NRXN3: variants seen among roughly 807,000 people sequenced by gnomAD.
NRXN3 encodes neurexin 3.
A neutral mutation model predicts 137.6 loss-of-function variants in NRXN3; 32 were observed. The ratio of observed to expected loss-of-function variants is 0.23; its 90% CI spans 0.18 to 0.31. The LOEUF (loss-of-function observed/expected upper bound fraction) is 0.31. NRXN3 is among the 10% of genes least tolerant of loss of function. NRXN3 has a pLI of 1.00. For missense variants in NRXN3, 1,574 were observed against 2,062.5 expected (o/e 0.76, Z 4.59); for synonymous variants, 798 against 784.5 (o/e 1.02, Z -0.29).
At chr14:79,294,749 C>T (rs2153464632) in intron 15 of NRXN3, among the ~76,000 whole-genome samples, 2 of 152,242 alleles carry the variant, frequency 1.3e-5, no homozygotes, top group South Asian at 4.2e-4. Context: ...GGAATTCATA[C>T]TTTATTATTG....
At chr14:79,580,188 TTGA>T (rs1375065483) in intron 16 of NRXN3, among the ~76,000 whole-genome samples, 6 of 152,178 alleles carry the variant, frequency 3.9e-5, no homozygotes, top group Non-Finnish European at 7.3e-5. Context: ...CTTGCATCTA[TTGA>T]TGGACATTTA....
intron 15 of NRXN3, among the ~76,000 whole-genome samples, chr14:79,009,504 G>A (rs1051568605): frequency 1.3e-5 from 2 of 152,174 alleles, no homozygotes; most frequent in African/African-American, 2.4e-5. Context: ...TTGGGCAGAA[G>A]AGAGCCCTCC....
chr14:79,460,340 TG>T (rs2096315028), intron 15 of NRXN3, among the ~76,000 whole-genome samples: 1 of 152,194 alleles, frequency 6.6e-6, no homozygotes, highest in Non-Finnish European at 1.5e-5. Context: ...TCATGAAGAA[TG>T]GCTCTCTTCC....
intron 15 of NRXN3, among the ~76,000 whole-genome samples, chr14:79,064,728 T>A (rs1402147358): frequency 2.1e-5 from 1 of 48,382 alleles, no homozygotes. Context: ...ATTACCCATA[T>A]ATATGTATAT....
chr14:78,903,619 T>C (rs763392304), intron 10 of NRXN3, among the ~76,000 whole-genome samples: 5 of 152,094 alleles, frequency 3.3e-5, no homozygotes, highest in Non-Finnish European at 5.9e-5. Flanking sequence ...AGCTTTTTAT[T>C]AGGACTTTGC....
intron 1 of NRXN3, among the ~76,000 whole-genome samples, chr14:78,217,528 A>T (rs1448736025): frequency 6.6e-6 from 1 of 152,204 alleles, no homozygotes; most frequent in African/African-American, 2.4e-5. Flanking sequence ...TATTTTAAAG[A>T]GAAGAATAAT....
At chr14:79,317,128 A>C (rs894732222) in intron 15 of NRXN3, among the ~76,000 whole-genome samples, 12 of 152,082 alleles carry the variant, frequency 7.9e-5, no homozygotes, top group African/African-American at 2.9e-4. Context: ...GCTACTGAGG[A>C]GGCTGAGGCA....
chr14:78,525,518 AC>A (rs1208880550), intron 4 of NRXN3, among the ~76,000 whole-genome samples: 3 of 152,132 alleles, frequency 2.0e-5, no homozygotes, highest in Non-Finnish European at 4.4e-5. Context: ...CTTACTGTAG[AC>A]CCAGCCCTAT....
intron 8 of NRXN3, among the ~76,000 whole-genome samples, chr14:78,788,039 A>G (rs1359012905): frequency 6.6e-6 from 1 of 152,208 alleles, no homozygotes; most frequent in Non-Finnish European, 1.5e-5. Context: ...CCTTTCAAAC[A>G]TATTTTCTTA....
At chr14:79,598,711 GT>G (rs1218084138) in intron 16 of NRXN3, among the ~76,000 whole-genome samples, 1 of 152,218 alleles carries the variant, frequency 6.6e-6, no homozygotes. Context: ...TGGGTTGTGG[GT>G]TTGGGGAGAA....
chr14:79,159,485 T>A (rs1159641582), intron 15 of NRXN3, among the ~76,000 whole-genome samples: 1 of 151,894 alleles, frequency 6.6e-6, no homozygotes, highest in Non-Finnish European at 1.5e-5. Flanking sequence ...TGGCTATTGT[T>A]CATGCTGCTA....
At chr14:79,376,214 GTATA>G (rs1159913935) in intron 15 of NRXN3, among the ~76,000 whole-genome samples, 1,737 of 70,744 alleles carry the variant, frequency 0.025, 51 homozygotes, top group Admixed American at 0.035. Context: ...GTGTGTGTAT[GTATA>G]TATATATATA....
chr14:78,903,622 G>T (rs2099204948), intron 10 of NRXN3, among the ~76,000 whole-genome samples: 1 of 151,902 alleles, frequency 6.6e-6, no homozygotes. Flanking sequence ...TTTTTATTAG[G>T]ACTTTGCCTT....
rs561298667 is a variant in NRXN3, at chr14:79,442,207, G to A, written c.3263-25014G>A. ...ATACAGAGTACTTATGATGATATAA[G>A]CATTGTTTTGTTTGCTTAGATTATT... On this transcript the variant is annotated intron_variant, in intron 15 of 20. Coordinates refer to ENST00000335750, the MANE Select transcript of NRXN3 (RefSeq NM_001330195.2). Among the ~76,000 whole-genome samples, 4 of 152,282 alleles carry A rather than the reference G, an allele frequency of 2.6e-5. No homozygotes were observed. In the South Asian group the frequency reaches 8.3e-4, roughly 32 times the overall value.
chr14:78,451,687 G>C (rs1302320677), intron 4 of NRXN3, among the ~76,000 whole-genome samples: 1 of 152,186 alleles, frequency 6.6e-6, no homozygotes. Flanking sequence ...GTCTGCTCCT[G>C]GTGGGCATTT....
chr14:78,965,677 G>A (rs1202511192), intron 11 of NRXN3, among the ~76,000 whole-genome samples: 1 of 152,146 alleles, frequency 6.6e-6, no homozygotes, highest in Admixed American at 6.6e-5. Context: ...CTTTACAAGG[G>A]TCAGAGCAAC....
chr14:78,859,115 G>A (rs562697623), intron 10 of NRXN3, among the ~76,000 whole-genome samples: 2 of 152,180 alleles, frequency 1.3e-5, no homozygotes, highest in African/African-American at 4.8e-5. Flanking sequence ...AAAATCTGAT[G>A]GTTTTATAAG....
chr14:78,414,205 T>G (rs1404364388), intron 4 of NRXN3, among the ~76,000 whole-genome samples: 1 of 150,972 alleles, frequency 6.6e-6, no homozygotes, highest in Non-Finnish European at 1.5e-5. Context: ...GATTTGTGAT[T>G]TTTTTTTTTC....
At chr14:78,474,119 G>C (rs934932427) in intron 4 of NRXN3, among the ~76,000 whole-genome samples, 1 of 152,150 alleles carries the variant, frequency 6.6e-6, no homozygotes, top group African/African-American at 2.4e-5. Context: ...ATGTCCATCT[G>C]TAATATTAGT....
Sources: gnomAD v4.1 joint callset for allele counts (sites outside exome capture counted in the v4.1 genomes callset) on GRCh38, gnomAD v4.1.1 for gene constraint, MANE v1.5 for transcripts, NCBI Gene and HGNC (gene_info 2026-07-23, HGNC 2026-07-21) for gene names.